The following GIGYF2 variants were observed in gnomAD, a reference collection of about 807,000 sequenced individuals.
GIGYF2 encodes the protein GRB10 interacting GYF protein 2.
GIGYF2 carries 25 observed loss-of-function variants against 208.1 expected under a neutral mutation model. The observed-to-expected ratio is 0.12, with a 90% CI of 0.09 to 0.17. The LOEUF (loss-of-function observed/expected upper bound fraction) is 0.17. Among genes scored for constraint, GIGYF2 ranks in the 10% least tolerant of loss-of-function variants. The pLI, the probability that GIGYF2 is intolerant of heterozygous loss-of-function variation, is 1.00. For synonymous variants in GIGYF2, 534 were observed against 543.8 expected, an observed-to-expected ratio of 0.98 and a Z score of 0.25; for missense variants, 1,302 against 1,579.4, an observed-to-expected ratio of 0.82 and a Z score of 2.98.
chr2:232,834,760 G>T (rs932361508), intron 22 of GIGYF2, among the ~76,000 whole-genome samples: 23 of 152,004 alleles, frequency 1.5e-4, no homozygotes, highest in African/African-American at 5.6e-4. Context: ...TATTCTTTGT[G>T]TAATCTGTAT....
At chr2:232,760,668 TG>T (rs1698713880) in intron 7 of GIGYF2, 77 bp downstream of exon 7, 13 of 881,610 alleles carry the variant, frequency 1.5e-5, no homozygotes. Flanking sequence ...CGGGGAGAAA[TG>T]TTTTTGTACA....
At chr2:232,735,455 A>G (rs992639149) in intron 3 of GIGYF2, 1 of 439,004 alleles carries the variant, frequency 2.3e-6, no homozygotes, top group South Asian at 4.9e-5. Flanking sequence ...CTGGTTATAT[A>G]TGTAATGATG....
chr2:232,852,979 A>G (rs1037954861), intron 28 of GIGYF2, among the ~76,000 whole-genome samples: 3 of 152,224 alleles, frequency 2.0e-5, no homozygotes, highest in African/African-American at 7.2e-5. Flanking sequence ...TAAGGAATCC[A>G]TATACCTTGA....
chr2:232,747,582 T>C (rs200317629), intron 3 of GIGYF2, 33 bp from the exon 4 acceptor site: 2 of 1,613,240 alleles, frequency 1.2e-6, no homozygotes, highest in African/African-American at 1.3e-5. Flanking sequence ...AGCACCAGAA[T>C]GTTTGACATA....
intron 22 of GIGYF2, among the ~76,000 whole-genome samples, chr2:232,836,977 C>G (rs568403624): frequency 6.6e-6 from 1 of 152,336 alleles, no homozygotes; most frequent in East Asian, 1.9e-4. Context: ...CAGTGGTCTG[C>G]TTTCCTCTAA....
chr2:232,797,951 A>C (rs1273943793), intron 14 of GIGYF2, among the ~76,000 whole-genome samples: 1 of 146,938 alleles, frequency 6.8e-6, no homozygotes, highest in African/African-American at 2.6e-5. Flanking sequence ...ACTGTACTTT[A>C]ATCTGTGTGA....
intron 2 of GIGYF2, among the ~76,000 whole-genome samples, chr2:232,715,746 ATTTAG>A (rs927460663): frequency 1.3e-5 from 2 of 151,742 alleles, no homozygotes; most frequent in African/African-American, 4.8e-5. Context: ...TAGTGAAGAG[ATTTAG>A]TATTGCCAGA....
At chr2:232,828,083 G>T (rs1173542616) in intron 21 of GIGYF2, among the ~76,000 whole-genome samples, 1 of 151,908 alleles carries the variant, frequency 6.6e-6, no homozygotes, top group Admixed American at 6.6e-5. Context: ...TTATGTCCCT[G>T]GGCTCAGGTG....
At chr2:232,814,569 C>CT (rs961604311) in intron 18 of GIGYF2, among the ~76,000 whole-genome samples, 3 of 126,498 alleles carry the variant, frequency 2.4e-5, no homozygotes, top group African/African-American at 8.5e-5. Flanking sequence ...CCTCAAACCC[C>CT]CCCCCCCCAA....
At chr2:232,795,727 A>C (rs1190173651) in intron 13 of GIGYF2, among the ~76,000 whole-genome samples, 2 of 152,112 alleles carry the variant, frequency 1.3e-5, no homozygotes, top group Admixed American at 1.3e-4. Flanking sequence ...ATGAGATCTC[A>C]TCTCTATTAA....
intron 9 of GIGYF2, 46 bp from the exon 10 acceptor site, chr2:232,790,652 C>T (rs1407956071): frequency 1.4e-6 from 2 of 1,432,272 alleles, no homozygotes; most frequent in Non-Finnish European, 2.0e-6. Flanking sequence ...TATTCAAATA[C>T]TGTCATAAAA....
intron 1 of GIGYF2, among the ~76,000 whole-genome samples, chr2:232,702,456 C>T (rs138764563): frequency 4.0e-5 from 6 of 151,760 alleles, no homozygotes; most frequent in Non-Finnish European, 7.4e-5. Flanking sequence ...AGAAAAAAAA[C>T]TCTATCTGTC....
At chr2:232,721,737 C>A (rs530442923) in intron 2 of GIGYF2, among the ~76,000 whole-genome samples, 2 of 152,098 alleles carry the variant, frequency 1.3e-5, no homozygotes, top group South Asian at 4.2e-4. Flanking sequence ...ATCTCTCTTC[C>A]CTTCCTTATT....
At chr2:232,709,026 G>T (rs538855795) in intron 2 of GIGYF2, among the ~76,000 whole-genome samples, 2 of 151,990 alleles carry the variant, frequency 1.3e-5, no homozygotes, top group Non-Finnish European at 2.9e-5. Context: ...GGAGGCTGTG[G>T]CATCAGAATC....
chr2:232,832,399 G>A (rs879362313), intron 21 of GIGYF2, among the ~76,000 whole-genome samples: 8 of 152,234 alleles, frequency 5.3e-5, no homozygotes, highest in African/African-American at 1.4e-4. Flanking sequence ...TGGGCCACAA[G>A]GGGCAAGAGC....
At chr2:232,703,696 A>C (rs1180750587) in intron 2 of GIGYF2, among the ~76,000 whole-genome samples, 1 of 152,212 alleles carries the variant, frequency 6.6e-6, no homozygotes, top group East Asian at 1.9e-4. Context: ...TTTGTGTCTT[A>C]AACTGTCATA....
chr2:232,826,688 GAAAAAAACAACCCCATCAAA>G (rs1390514411), intron 21 of GIGYF2, among the ~76,000 whole-genome samples: 2 of 151,948 alleles, frequency 1.3e-5, no homozygotes, highest in Non-Finnish European at 2.9e-5. Flanking sequence ...AAATTTACAA[GAAAAAAACAACCCCATCAAA>G]AAGTGGGCAA....
intron 3 of GIGYF2, chr2:232,736,080 A>G (rs1697721239): frequency 2.1e-6 from 2 of 967,008 alleles, no homozygotes; most frequent in South Asian, 9.6e-5. Context: ...AACTTATCCT[A>G]TTAGAAATAT....
At chr2:232,836,001 TAGGAC>T (rs1458002530) in intron 22 of GIGYF2, among the ~76,000 whole-genome samples, 1 of 151,762 alleles carries the variant, frequency 6.6e-6, no homozygotes, top group African/African-American at 2.4e-5. Context: ...CTGATGCAGT[TAGGAC>T]AGCTTGTTGG....
Sources: allele counts gnomAD v4.1 joint callset (sites outside exome capture counted in the v4.1 genomes callset), GRCh38; gene constraint gnomAD v4.1.1; transcripts MANE v1.5; gene names NCBI Gene and HGNC (gene_info 2026-07-23, HGNC 2026-07-21).